The following BRD2 variants were observed in gnomAD, a reference collection of about 807,000 sequenced individuals.
BRD2 encodes the protein bromodomain-containing protein 2.
In BRD2, 15 loss-of-function variants were observed where a neutral mutation model predicts 79.1. The ratio of observed to expected loss-of-function variants is 0.19; its 90% CI spans 0.13 to 0.29. BRD2 has a LOEUF of 0.29. BRD2 is among the 10% of genes least tolerant of loss of function. The probability of loss-of-function intolerance (pLI) is 1.00; values close to 1 mark genes in which losing one functional copy is unlikely to be tolerated. For synonymous variants in BRD2, 488 were observed against 358.6 expected (o/e 1.36, Z -4.08); for missense variants, 1,053 against 991.3 (o/e 1.06, Z -0.84).
In BRD2 at chr6:32,976,756, C is replaced by T. The variant is rs1778820399; in HGVS notation, c.1020C>T (p.Ser340=). 1 of 1,613,298 alleles carries T rather than the reference C, an allele frequency of 6.2e-7. No individual in the cohort carries two copies. The highest frequency in any genetic ancestry group is 1.1e-5 in the South Asian group (1 of 91,088). Reference sequence around the variant, plus strand: ...CTGACTCTCAGCAACAACACCAGAGCTCTAAGAAAGGAAAGCTTTCAGAAC... The same window carrying T: ...CTGACTCTCAGCAACAACACCAGAGTTCTAAGAAAGGAAAGCTTTCAGAAC... The part of the protein sequence containing the change: ...DLPDSQQQHQ[S]SKKGKLSEQL... Residue 340 remains serine (S), a synonymous_variant, in exon 7 of 13, where the codon AGC becomes AGT. Transcript: ENST00000374825.
intron 4 of BRD2, among the ~76,000 whole-genome samples, 177 bp downstream of exon 4, chr6:32,975,698 C>T (rs767674016): frequency 1.3e-5 from 2 of 152,178 alleles, no homozygotes; most frequent in African/African-American, 4.8e-5. Flanking sequence ...AGTGATGTGA[C>T]TTCAGAGCTC....
rs756103400 is a variant in BRD2, at chr6:32,976,979, G to A, written c.1200+43G>A. Reference sequence around the variant, plus strand: ...CAGATGGGATGCTCAGGCAGTGATGGGAGCCTAGGTGCAAAACAATAAGTC... The same window carrying A: ...CAGATGGGATGCTCAGGCAGTGATGAGAGCCTAGGTGCAAAACAATAAGTC... On this transcript the variant is annotated intron_variant, in intron 7 of 12. Coordinates refer to ENST00000374825, the MANE Select transcript of BRD2 (RefSeq NM_005104.4). The A allele has an allele frequency of 8.3e-6, 13 of 1,560,638 alleles. No homozygotes were observed. The African/African-American group carries it at 1.4e-4, about 16-fold the overall frequency.
chr6:32,972,165 T>C lies in BRD2; in HGVS notation c.-734T>C, dbSNP rs532648169. The C allele has an allele frequency of 3.2e-6, 2 of 624,408 alleles. No homozygotes were observed. Among genetic ancestry groups the C allele is most frequent in the East Asian group, 2.9e-5 (1 of 34,458 alleles). The allele number at this position is 624,408 out of a possible 1,614,324, so 38.7% of individuals were successfully genotyped here. On this transcript the variant is annotated 5_prime_UTR_variant, in exon 2 of 13. Transcript: ENST00000374825. ...AGCGGCGAAGCTCCTCCTCCCCGCC[T>C]ATATATAAAGGGCTGGCGCGGGGCT...
intron 10 of BRD2, 48 bp downstream of exon 10, chr6:32,978,436 C>G: frequency 6.3e-7 from 1 of 1,581,560 alleles, no homozygotes; most frequent in Non-Finnish European, 8.6e-7. Flanking sequence ...TTCTGTCTCT[C>G]TGGGGGATGC....
intron 2 of BRD2, chr6:32,973,148 A>G (rs1180931438): frequency 1.6e-5 from 25 of 1,547,806 alleles, no homozygotes; most frequent in South Asian, 3.6e-5. Context: ...TTTATACGCT[A>G]TTAATGCCGC....
In BRD2 at chr6:32,972,834, T is replaced by G. The variant is rs2127502889; in HGVS notation, c.-65T>G. 1.2e-6 allele frequency: 2 copies of G among 1,611,894 alleles called. No homozygotes were observed. The highest frequency in any genetic ancestry group is 4.5e-5 in the East Asian group (2 of 44,872). ...TAGCGGGTTATGCTGGACCGGGCGG[T>G]GAGGGGAACCGAGGCCACCCGGACT... On this transcript the variant is annotated 5_prime_UTR_variant, in exon 2 of 13. Transcript: ENST00000374825.
chr6:32,975,119 T>C, intron 3 of BRD2: 4 of 1,508,620 alleles, frequency 2.7e-6, no homozygotes, highest in Non-Finnish European at 3.5e-6. Context: ...AGAGGTAATG[T>C]CACAGGATGG....
Position 32,975,383 on chromosome 6 carries a change from G to C in BRD2, c.334-1G>C. On this transcript the variant is annotated splice_acceptor_variant, in intron 3 of 12. Coordinates refer to ENST00000374825, the MANE Select transcript of BRD2 (RefSeq NM_005104.4). LOFTEE classifies it high-confidence loss of function. ...TTCTGACCTAACATTTTTTTATTTA[G>C]GATTATCACAAAATTATAAAACAGC... The C allele has an allele frequency of 6.2e-7, 1 of 1,600,372 alleles. No homozygotes were observed. Among genetic ancestry groups the C allele is most frequent in the Non-Finnish European group, 8.5e-7 (1 of 1,171,962 alleles).
chr6:32,976,445 C>T lies in BRD2; in HGVS notation c.806C>T (p.Pro269Leu), dbSNP rs750496711. The change falls in exon 6 of 13, where the codon CCA (proline) becomes CTA (leucine). Residue 269 changes from proline to leucine, a missense_variant. Physicochemically the swap from Pro to Leu is moderately conservative, Grantham distance 98. Transcript: ENST00000374825. Reference sequence around the variant, plus strand: ...CTCCTTGCTGTTACTGCAGCTCCTCCAGCCCAGCCCCTTGCCAAGGTATGA... The same window carrying T: ...CTCCTTGCTGTTACTGCAGCTCCTCTAGCCCAGCCCCTTGCCAAGGTATGA... ...PPLLAVTAAP[P>L]AQPLAKKKGV... 14 of 1,610,344 alleles carry T rather than the reference C, an allele frequency of 8.7e-6. No homozygotes were observed. The highest frequency in any genetic ancestry group is 1.2e-5 in the Non-Finnish European group (14 of 1,180,014).
At chr6:32,975,946 C>T in intron 4 of BRD2, 85 bp from the exon 5 acceptor site, 1 of 1,458,432 alleles carries the variant, frequency 6.9e-7, no homozygotes, top group Non-Finnish European at 9.2e-7. Flanking sequence ...TGGCCTAGGG[C>T]CTGAATGCCT....
At chr6:32,974,400 G>A in intron 2 of BRD2, 62 bp from the exon 3 acceptor site, 1 of 1,522,024 alleles carries the variant, frequency 6.6e-7, no homozygotes, top group East Asian at 2.3e-5. Context: ...TCAGACTATT[G>A]TGCAGATGCA....
Position 32,976,723 on chromosome 6 carries a change from A to T in BRD2, c.987A>T (p.Lys329Asn). The change falls in exon 7 of 13, where the codon AAA (lysine) becomes AAT (asparagine). Residue 329 changes from lysine to asparagine, a missense_variant. By Grantham distance (94) the Lys-to-Asn change is moderately conservative. Around this residue, in one of 5 missense-constraint regions of BRD2, gnomAD observed 454 missense variants for 430.5 expected, o/e 1.05. Coordinates refer to ENST00000374825, the MANE Select transcript of BRD2 (RefSeq NM_005104.4). ...ESGRPIKPPR[K>N]DLPDSQQQHQ... ...GTCGCCCCATCAAGCCCCCACGCAA[A>T]GACTTGCCTGACTCTCAGCAACAAC... 6.2e-7 allele frequency: 1 copy of T among 1,613,280 alleles called. No individual in the cohort carries two copies. The highest frequency in any genetic ancestry group is 8.5e-7 in the Non-Finnish European group (1 of 1,180,028).
intron 2 of BRD2, among the ~76,000 whole-genome samples, chr6:32,974,099 G>A (rs1778394185): frequency 6.6e-6 from 1 of 152,024 alleles, no homozygotes; most frequent in African/African-American, 2.4e-5. Flanking sequence ...GAAGCTTGGG[G>A]TTTGAGTTTC....
chr6:32,978,704 T>C (rs1017178934), intron 10 of BRD2: 2 of 409,870 alleles, frequency 4.9e-6, no homozygotes, highest in Admixed American at 8.3e-5. Flanking sequence ...TCTATGAGAA[T>C]CTAATGCTTC....
rs776972257 is a variant in BRD2, at chr6:32,972,877, G to A, written c.-22G>A. On this transcript the variant is annotated 5_prime_UTR_variant, in exon 2 of 13. Coordinates refer to ENST00000374825, the MANE Select transcript of BRD2 (RefSeq NM_005104.4). ...CCCGGACTTTCCGCGGCTGAGGGCA[G>A]CGCCGGTTCCTTGCGGTCAAGATGC... The A allele has an allele frequency of 6.2e-7, 1 of 1,613,902 alleles. No homozygotes were observed. Among genetic ancestry groups the A allele is most frequent in the Non-Finnish European group, 8.5e-7 (1 of 1,179,986 alleles).
intron 3 of BRD2, chr6:32,974,994 C>CT: frequency 6.6e-7 from 1 of 1,517,318 alleles, no homozygotes; most frequent in Non-Finnish European, 8.8e-7. Context: ...CCTTCCTTAA[C>CT]TTTTGTGCCC....
At chr6:32,978,486 C>A in intron 10 of BRD2, 98 bp downstream of exon 10, 8 of 1,529,426 alleles carry the variant, frequency 5.2e-6, no homozygotes, top group Non-Finnish European at 7.0e-6. Context: ...GGCCAGTTAA[C>A]AGATACAATA....
Position 32,978,267 on chromosome 6 carries a change from A to C in BRD2, c.1720A>C (p.Lys574Gln). Residue 574 changes from lysine (K) to glutamine (Q), a missense_variant, in exon 10 of 13, where the codon AAG (lysine) becomes CAG (glutamine). Around this residue, in one of 5 missense-constraint regions of BRD2, gnomAD observed 454 missense variants for 430.5 expected, o/e 1.05. Transcript: ENST00000374825. ...CCGAGCTGGGGCCGATGAAGATGAC[A>C]AGGGGCCTAGGGCACCCCGCCCACC... ...RGRAGADEDD[K>Q]GPRAPRPPQP... 1 of 1,613,098 alleles carries C rather than the reference A, an allele frequency of 6.2e-7. No individual in the cohort carries two copies. The highest frequency in any genetic ancestry group is 8.5e-7 in the Non-Finnish European group (1 of 1,180,024).
In BRD2 at chr6:32,974,495, G is replaced by T; in HGVS notation, c.63G>T (p.Gly21=). The T allele has an allele frequency of 6.2e-7, 1 of 1,613,200 alleles. No homozygotes were observed. Among genetic ancestry groups the T allele is most frequent in the Non-Finnish European group, 8.5e-7 (1 of 1,179,174 alleles). The part of the protein sequence containing the change: ...LPGEGNAGLL[G]LGPEAAAPGK... ...GGGAAGGGAATGCAGGGTTGCTGGGGCTGGGCCCAGAAGCAGCAGCACCAG... is the reference window on the plus strand; with the variant it reads ...GGGAAGGGAATGCAGGGTTGCTGGGTCTGGGCCCAGAAGCAGCAGCACCAG... The change falls in exon 3 of 13, where the codon GGG becomes GGT. Residue 21 remains glycine (G), a synonymous_variant. Transcript: ENST00000374825.
Sources: gnomAD v4.1 joint callset for allele counts (sites outside exome capture counted in the v4.1 genomes callset) on GRCh38, gnomAD v4.1.1 for gene constraint, gnomAD v4.1.1 regional missense constraint, MANE v1.5 for transcripts, NCBI Gene and HGNC (gene_info 2026-07-23, HGNC 2026-07-21) for gene names.